NAT1: variants seen among roughly 807,000 people sequenced by gnomAD.
The protein encoded by NAT1 is arylamine N-acetyltransferase 1.
For missense variants in NAT1, 400 were observed against 339.2 expected (o/e 1.18, Z -1.41); for synonymous variants, 144 against 122.6 (o/e 1.17, Z -1.16).
chr8:18,189,125 A>T (rs980484648), intron 2 of NAT1, among the ~76,000 whole-genome samples: 3 of 152,142 alleles, frequency 2.0e-5, no homozygotes, highest in African/African-American at 7.2e-5. Context: ...CATAAAATGC[A>T]TTATTCACTC....
intron 2 of NAT1, among the ~76,000 whole-genome samples, chr8:18,177,389 C>T (rs1168772025): frequency 6.6e-6 from 1 of 152,044 alleles, no homozygotes; most frequent in African/African-American, 2.4e-5. Flanking sequence ...TCAGACTTAT[C>T]CTCTAAGTCC....
intron 2 of NAT1, among the ~76,000 whole-genome samples, chr8:18,173,264 T>C (rs369377892): frequency 6.6e-6 from 1 of 152,206 alleles, no homozygotes; most frequent in Non-Finnish European, 1.5e-5. Context: ...TGGGTGCAGC[T>C]GCAACTTGAA....
At chr8:18,192,861 G>A (rs1263573572) in intron 2 of NAT1, among the ~76,000 whole-genome samples, 1 of 151,440 alleles carries the variant, frequency 6.6e-6, no homozygotes. Context: ...AAGGGGGGAG[G>A]GATAGCATTA....
At chr8:18,189,373 C>T (rs960071590) in intron 2 of NAT1, among the ~76,000 whole-genome samples, 2 of 152,034 alleles carry the variant, frequency 1.3e-5, no homozygotes, top group Admixed American at 1.3e-4. Context: ...GGTATCAGCA[C>T]CTCTCATTTG....
At position 18,222,623 on chromosome 8, in the gene NAT1, T is replaced by C; in HGVS notation, c.576T>C (p.Phe192=). The change falls in exon 3 of 3, where the codon TTT becomes TTC. Residue 192 remains phenylalanine, a synonymous_variant. Transcript: ENST00000307719. ...GCAAATACCGAAAAATCTACTCCTT[T>C]ACTCTTAAGCCTCGAACAATTGAAG... ...EDSKYRKIYS[F]TLKPRTIEDF... 1.9e-6 allele frequency: 3 copies of C among 1,613,430 alleles called. No homozygotes were observed. Among genetic ancestry groups the C allele is most frequent in the Non-Finnish European group, 2.5e-6 (3 of 1,179,786 alleles).
At chr8:18,201,204 A>T (rs1289574744) in intron 2 of NAT1, 1 of 152,220 alleles carries the variant, frequency 6.6e-6, no homozygotes, top group Non-Finnish European at 1.5e-5. Context: ...GATAGAAGGC[A>T]TTTAGTAATT....
At chr8:18,179,457 G>A (rs1563162066) in intron 2 of NAT1, among the ~76,000 whole-genome samples, 1 of 152,128 alleles carries the variant, frequency 6.6e-6, no homozygotes, top group African/African-American at 2.4e-5. Context: ...CCTGGAAGTG[G>A]CATGCATCAC....
chr8:18,190,756 A>T (rs1490374567), intron 2 of NAT1, among the ~76,000 whole-genome samples: 1 of 152,154 alleles, frequency 6.6e-6, no homozygotes, highest in Admixed American at 6.5e-5. Flanking sequence ...AAAAATAAAT[A>T]AGTAAATATA....
chr8:18,180,750 C>A (rs1009060394), intron 2 of NAT1, among the ~76,000 whole-genome samples: 1 of 151,962 alleles, frequency 6.6e-6, no homozygotes, highest in Non-Finnish European at 1.5e-5. Context: ...TATATTAAAA[C>A]ATCAAGTTAT....
intron 2 of NAT1, among the ~76,000 whole-genome samples, chr8:18,184,038 C>T (rs193033624): frequency 4.0e-5 from 6 of 151,832 alleles, no homozygotes; most frequent in East Asian, 3.9e-4. Context: ...GGTCCCGGGG[C>T]GGGGTGGTGG....
At position 18,192,248 on chromosome 8, in the gene NAT1, A is replaced by C. The variant is rs201451632; in HGVS notation, n.93-17533A>C. Among the ~76,000 whole-genome samples, 9 of 152,368 alleles carry C rather than the reference A, an allele frequency of 5.9e-5. No homozygotes were observed. The East Asian group carries it at 1.7e-3, about 29-fold the overall frequency. ...ACAGACACATGAAAAAATGCTCATC[A>C]TCACTGGCCATCACAGAAATGCAAA... On this transcript the variant is annotated intron_variant and non_coding_transcript_variant, in intron 2 of 4. Transcript: ENST00000517441.
chr8:18,184,188 G>A (rs1219445496), intron 2 of NAT1, among the ~76,000 whole-genome samples: 1 of 152,160 alleles, frequency 6.6e-6, no homozygotes, highest in Non-Finnish European at 1.5e-5. Context: ...AGAAATTCAT[G>A]CCTCCTCAGC....
chr8:18,192,176 A>G (rs560579003), intron 2 of NAT1, among the ~76,000 whole-genome samples: 11 of 152,142 alleles, frequency 7.2e-5, no homozygotes, highest in Admixed American at 3.9e-4. Flanking sequence ...AAAAGTGGGC[A>G]AAGGATATGA....
chr8:18,218,993 A>T (rs905944758), intron 1 of NAT1, among the ~76,000 whole-genome samples: 5 of 152,170 alleles, frequency 3.3e-5, no homozygotes, highest in African/African-American at 1.2e-4. Flanking sequence ...ATGCCGAATT[A>T]TAGCTGTACC....
intron 2 of NAT1, among the ~76,000 whole-genome samples, chr8:18,192,603 A>G (rs1339277442): frequency 4.6e-5 from 7 of 152,170 alleles, no homozygotes; most frequent in African/African-American, 7.2e-5. Context: ...ATGTCCAACA[A>G]TGATAGACTG....
At chr8:18,214,473 GT>G (rs1231312111) in intron 1 of NAT1, among the ~76,000 whole-genome samples, 2 of 152,118 alleles carry the variant, frequency 1.3e-5, no homozygotes, top group Middle Eastern at 3.2e-3. Context: ...ATATTTTTGT[GT>G]AACATTCTCT....
chr8:18,198,069 A>G (rs1187580997), intron 2 of NAT1, among the ~76,000 whole-genome samples: 3 of 152,160 alleles, frequency 2.0e-5, no homozygotes, highest in African/African-American at 4.8e-5. Context: ...AATTTTAGAG[A>G]TACCATGCCT....
At position 18,194,123 on chromosome 8, in the gene NAT1, C is replaced by T. The variant is rs910963049; in HGVS notation, n.93-15658C>T. Reference sequence around the variant, plus strand: ...TAGGGCTGAATGGAATTGGGACAACCGGATGGCCAGCCTGCTTTGTGTTCA... The same window carrying T: ...TAGGGCTGAATGGAATTGGGACAACTGGATGGCCAGCCTGCTTTGTGTTCA... On this transcript the variant is annotated intron_variant and non_coding_transcript_variant, in intron 2 of 4. Coordinates refer to the NAT1 transcript ENST00000517441. Among the ~76,000 whole-genome samples, 5 of 152,116 alleles carry T rather than the reference C, an allele frequency of 3.3e-5. No homozygotes were observed. The South Asian group carries it at 6.2e-4, about 19-fold the overall frequency.
intron 2 of NAT1, chr8:18,200,929 G>A (rs1803433392): frequency 6.6e-6 from 1 of 152,160 alleles, no homozygotes; most frequent in Middle Eastern, 3.2e-3. Flanking sequence ...TAGCTCTGAA[G>A]AAGGTTTAAG....
Sources: gnomAD v4.1 joint callset for allele counts (sites outside exome capture counted in the v4.1 genomes callset) on GRCh38, gnomAD v4.1.1 for gene constraint, MANE v1.5 for transcripts, NCBI Gene and HGNC (gene_info 2026-07-23, HGNC 2026-07-21) for gene names.